ANO7: variants seen among roughly 807,000 people sequenced by gnomAD.
ANO7 encodes the protein anoctamin 7.
A neutral mutation model predicts 115.8 loss-of-function variants in ANO7; 114 were observed. The observed-to-expected ratio is 0.98, with a 90% CI of 0.85 to 1.15. The LOEUF (loss-of-function observed/expected upper bound fraction) is 1.15, where lower values mean the gene tolerates loss of function less well. ANO7 is among the 50% of genes most tolerant of loss of function. The pLI is 0.00. For synonymous variants in ANO7, 550 were observed against 498.2 expected, an observed-to-expected ratio of 1.10 and a Z score of -1.38; for missense variants, 1,302 against 1,201.2, an observed-to-expected ratio of 1.08 and a Z score of -1.24.
intron 19 of ANO7, among the ~76,000 whole-genome samples, chr2:241,216,693 G>A (rs1052829913): frequency 2.0e-5 from 3 of 152,242 alleles, no homozygotes; most frequent in African/African-American, 7.2e-5. Context: ...ACCAGGTGGT[G>A]GCCAGTGCCA....
Position 241,203,237 on chromosome 2 carries a change from G to A in ANO7, c.724-96G>A, listed in dbSNP as rs1008480609. On this transcript the variant is annotated intron_variant, in intron 8 of 24. Transcript: ENST00000674324. The surrounding 1 kb of genome is among the most constrained non-coding windows in gnomAD (Gnocchi z 4.8). ...GGAGCAATCCCAGACTCCCAGGCCTGTCTGCCCATGTCCCACACTGAAGCC... is the reference window on the plus strand; with the variant it reads ...GGAGCAATCCCAGACTCCCAGGCCTATCTGCCCATGTCCCACACTGAAGCC... 1 of 1,001,018 alleles carries A rather than the reference G, an allele frequency of 1.0e-6. No homozygotes were observed. The highest frequency in any genetic ancestry group is 1.7e-5 in the African/African-American group (1 of 58,840). 62.0% of individuals were successfully genotyped at this position (1,001,018 alleles called of 1,614,324 possible). A position where few individuals can be genotyped will look rare whatever the true frequency, so the allele number is the denominator to read the frequency against.
intron 18 of ANO7, 134 bp from the exon 19 acceptor site, chr2:241,215,959 A>C: frequency 1.7e-6 from 2 of 1,143,458 alleles, no homozygotes; most frequent in Non-Finnish European, 2.5e-6. Flanking sequence ...CCTCAGCCCC[A>C]GACCCCATCC....
chr2:241,212,834 C>T (rs939705448), intron 17 of ANO7: 1 of 561,994 alleles, frequency 1.8e-6, no homozygotes, highest in Non-Finnish European at 3.2e-6. Context: ...CATTCAGAAC[C>T]ACACCAAAAC....
downstream of ANO7, chr2:241,227,518 T>G (rs554917993): frequency 1.3e-5 from 2 of 152,592 alleles, no homozygotes; most frequent in Admixed American, 1.3e-4. Flanking sequence ...GCACAGACGC[T>G]TCAGGGAGAC....
rs1212967690 is a variant in ANO7 at position 241,223,887 on chromosome 2, GC to G, written c.2533-15del. The stretch of plus-strand genomic sequence containing the variant: ...GAGTCACATCCCTCTTCCTCTTGCT[GC>G]CCTTTTTTGGGGACAGGTTCTTTTT... On this transcript the variant is annotated splice_polypyrimidine_tract_variant and intron_variant, in intron 23 of 24. Transcript: ENST00000674324. 1.9e-6 allele frequency: 3 copies of G among 1,613,796 alleles called. No individual in the cohort carries two copies. Among genetic ancestry groups the G allele is most frequent in the Admixed American group, 1.7e-5 (1 of 59,982 alleles).
chr2:241,236,494 G>A, the ANO7 span: 1 of 985,010 alleles, frequency 1.0e-6, no homozygotes, highest in Non-Finnish European at 1.6e-6. Flanking sequence ...AGGAGCAAGA[G>A]GGCTACCTCC....
chr2:241,199,062 C>T (rs1025166801), intron 4 of ANO7: 11 of 476,840 alleles, frequency 2.3e-5, no homozygotes, highest in African/African-American at 3.9e-5. Context: ...CAGGTGACGC[C>T]GGTCCCAACA....
the ANO7 span, among the ~76,000 whole-genome samples, chr2:241,232,531 C>A: frequency 6.6e-6 from 1 of 152,200 alleles, no homozygotes; most frequent in African/African-American, 2.4e-5. Flanking sequence ...CCGCCTCGGC[C>A]TCCAAAAGTG....
At chr2:241,236,868 G>C in the ANO7 span, 10 of 1,302,384 alleles carry the variant, frequency 7.7e-6, no homozygotes, top group East Asian at 2.3e-4. Context: ...CTGGGTGCTG[G>C]GTGGTAAAAG....
At chr2:241,233,505 G>A in the ANO7 span, among the ~76,000 whole-genome samples, 43 of 152,200 alleles carry the variant, frequency 2.8e-4, no homozygotes, top group African/African-American at 9.6e-4. This position sits in a 1 kb window ranked among gnomAD's most constrained non-coding sequence, Gnocchi z 4.3. Context: ...AGAGAGGCCC[G>A]GGTGACAGGT....
chr2:241,190,293 C>T (rs1307957375), intron 2 of ANO7, 122 bp downstream of exon 2: 7 of 779,290 alleles, frequency 9.0e-6, no homozygotes, highest in Non-Finnish European at 1.4e-5. Context: ...CTCCTGCATC[C>T]CCCGGCAACC....
chr2:241,233,040 G>T, the ANO7 span, among the ~76,000 whole-genome samples: 1 of 152,098 alleles, frequency 6.6e-6, no homozygotes, highest in Non-Finnish European at 1.5e-5. This position sits in a 1 kb window ranked among gnomAD's most constrained non-coding sequence, Gnocchi z 4.3. Context: ...ATCCACAGTG[G>T]GAGCGAGGGG....
At chr2:241,196,313 C>T (rs947819294) in intron 4 of ANO7, 4 of 415,978 alleles carry the variant, frequency 9.6e-6, no homozygotes, top group Admixed American at 5.5e-5. Context: ...AGGAACTAGG[C>T]GTGAGGATGC....
chr2:241,227,385 A>AAAGTT (rs753270481), downstream of ANO7: 3 of 152,578 alleles, frequency 2.0e-5, no homozygotes, highest in South Asian at 2.1e-4. Context: ...TCCAAATTCC[A>AAAGTT]AAGTTAAGGC....
intron 1 of ANO7, among the ~76,000 whole-genome samples, chr2:241,189,687 G>A (rs755638530): frequency 1.3e-5 from 2 of 152,176 alleles, no homozygotes; most frequent in African/African-American, 2.4e-5. Context: ...ACGGATAAGA[G>A]AGGGAGAGGT....
intron 15 of ANO7, among the ~76,000 whole-genome samples, chr2:241,211,673 C>T (rs55998353): frequency 0.14 from 21,999 of 152,154 alleles, 1,970 homozygotes; most frequent in Non-Finnish European, 0.21. Context: ...AGGGGAGCCA[C>T]CCATTTGTTT....
At chr2:241,230,763 A>G (rs1157507249), downstream of ANO7, 1 of 1,613,748 alleles carries the variant, frequency 6.2e-7, no homozygotes, top group East Asian at 2.2e-5. This position sits in a 1 kb window ranked among gnomAD's most constrained non-coding sequence, Gnocchi z 5.0. Flanking sequence ...GCTCACCTTG[A>G]ATTCGTCCAT....
At chr2:241,238,572 A>G in the ANO7 span, 1 of 1,141,590 alleles carries the variant, frequency 8.8e-7, no homozygotes, top group African/African-American at 1.6e-5. The surrounding 1 kb of genome is among the most constrained non-coding windows in gnomAD (Gnocchi z 4.9). Context: ...GAGCCTCACC[A>G]GTATGTGCGA....
intron 18 of ANO7, among the ~76,000 whole-genome samples, 195 bp from the exon 19 acceptor site, chr2:241,215,898 C>T (rs571923250): frequency 1.3e-5 from 2 of 152,200 alleles, no homozygotes; most frequent in East Asian, 3.9e-4. Context: ...CAGACACAGA[C>T]GCTTTCACTG....
Sources: allele counts gnomAD v4.1 joint callset (sites outside exome capture counted in the v4.1 genomes callset), GRCh38; gene constraint gnomAD v4.1.1; non-coding constraint Gnocchi (gnomAD v3.1); transcripts MANE v1.5; gene names NCBI Gene and HGNC (gene_info 2026-07-23, HGNC 2026-07-21).